Variants in SORCS2 observed in about 807,000 individuals in gnomAD.
SORCS2 encodes sortilin related VPS10 domain containing receptor 2, also known as VPS10 domain-containing receptor SorCS2.
Under a neutral mutation model 141.6 loss-of-function variants are expected in SORCS2, and 100 were observed. The ratio of observed to expected loss-of-function variants is 0.71; its 90% CI spans 0.60 to 0.83. The LOEUF is 0.83. Among genes scored for constraint, SORCS2 ranks in the 40% least tolerant of loss-of-function variants. SORCS2 has a pLI of 0.00. For missense variants in SORCS2, 1,646 were observed against 1,560.2 expected, an observed-to-expected ratio of 1.05 and a Z score of -0.93; for synonymous variants, 789 against 676.9, an observed-to-expected ratio of 1.17 and a Z score of -2.57.
chr4:7,421,991 C>T (rs977441363), intron 2 of SORCS2, among the ~76,000 whole-genome samples: 3 of 152,110 alleles, frequency 2.0e-5, no homozygotes, highest in African/African-American at 7.2e-5. Context: ...CCCACCTCCT[C>T]ATCTGTGAAC....
intron 3 of SORCS2, among the ~76,000 whole-genome samples, chr4:7,565,677 G>A (rs1000193973): frequency 3.4e-5 from 5 of 149,190 alleles, no homozygotes; most frequent in African/African-American, 1.3e-4. Context: ...TGCTGATGAT[G>A]TGATGATGGT....
At chr4:7,528,117 G>A (rs977791252) in intron 2 of SORCS2, among the ~76,000 whole-genome samples, 4 of 30,186 alleles carry the variant, frequency 1.3e-4, no homozygotes, top group African/African-American at 4.0e-4. Context: ...CAGTGTCCAC[G>A]CTGCCCATGG....
At chr4:7,490,496 A>C (rs1731252914) in intron 2 of SORCS2, among the ~76,000 whole-genome samples, 1 of 141,498 alleles carries the variant, frequency 7.1e-6, no homozygotes, top group African/African-American at 2.8e-5. Flanking sequence ...CCATGCTAGC[A>C]CCCCAGAATT....
rs563275631 is a variant in SORCS2 at position 7,349,076 on chromosome 4, C to T, written c.481-47212C>T. ...CAAGGGGGAATTCAACTTAATTGCA[C>T]ACCTACCTCTTATGCCAGTCACTGA... On this transcript the variant is annotated intron_variant, in intron 1 of 26. Coordinates refer to ENST00000507866, the MANE Select transcript of SORCS2 (RefSeq NM_020777.3). Among the ~76,000 whole-genome samples the T allele has an allele frequency of 7.2e-5, 11 of 152,314 alleles. No homozygotes were observed. The South Asian group carries it at 2.3e-3, about 32-fold the overall frequency.
At chr4:7,444,336 G>A (rs898838740) in intron 2 of SORCS2, among the ~76,000 whole-genome samples, 1 of 152,174 alleles carries the variant, frequency 6.6e-6, no homozygotes, top group African/African-American at 2.4e-5. Context: ...TGAGTGAGGT[G>A]GAGAGGTGGA....
intron 2 of SORCS2, among the ~76,000 whole-genome samples, chr4:7,454,275 TCC>T (rs2109303482): frequency 8.8e-6 from 1 of 114,200 alleles, no homozygotes; most frequent in Admixed American, 9.1e-5. Flanking sequence ...GGGGTCAGGC[TCC>T]GTGTTGGGGT....
At chr4:7,257,027 G>A (rs550934927) in intron 1 of SORCS2, among the ~76,000 whole-genome samples, 1 of 152,292 alleles carries the variant, frequency 6.6e-6, no homozygotes, top group South Asian at 2.1e-4. Flanking sequence ...AGCTCAATAG[G>A]AACTTCTCAG....
chr4:7,399,103 T>C (rs142804692), intron 2 of SORCS2, among the ~76,000 whole-genome samples: 36 of 152,356 alleles, frequency 2.4e-4, no homozygotes, highest in African/African-American at 7.0e-4. Context: ...AACAGTTTTC[T>C]GTTTTAATTA....
At chr4:7,446,336 C>T (rs79128148) in intron 2 of SORCS2, among the ~76,000 whole-genome samples, 3,064 of 152,312 alleles carry the variant, frequency 0.02, 116 homozygotes, top group African/African-American at 0.07. Context: ...ACCGCCCCTG[C>T]CATGGCACCT....
Position 7,434,641 on chromosome 4 carries a change from G to A in SORCS2, c.548+38286G>A, listed in dbSNP as rs746248362. Reference sequence around the variant, plus strand: ...CAGGATGTCAGACTCCGTGGCGTCAGGGTTCAGCCCATTGCCAGCGGCGGC... The same window carrying A: ...CAGGATGTCAGACTCCGTGGCGTCAAGGTTCAGCCCATTGCCAGCGGCGGC... On this transcript the variant is annotated intron_variant, in intron 2 of 26. Transcript: ENST00000507866. 2.5e-6 allele frequency: 4 copies of A among 1,613,430 alleles called. No homozygotes were observed. The South Asian group carries it at 4.4e-5, about 18-fold the overall frequency.
Position 7,298,093 on chromosome 4 carries a change from A to G in SORCS2, c.481-98195A>G, listed in dbSNP as rs539711741. ...CTGCACAGCCAGTGTGTGCACTTGG[A>G]GTCCCAGGGGTGGGACAAGGAGGCG... On this transcript the variant is annotated intron_variant, in intron 1 of 26. Coordinates refer to ENST00000507866, the MANE Select transcript of SORCS2 (RefSeq NM_020777.3). 1.3e-4 allele frequency among the ~76,000 whole-genome samples: 20 copies of G among 152,318 alleles called. No homozygotes were observed. In the South Asian group the frequency reaches 3.3e-3, roughly 25 times the overall value.
chr4:7,574,635 G>A (rs919840036), intron 3 of SORCS2, among the ~76,000 whole-genome samples: 1 of 151,918 alleles, frequency 6.6e-6, no homozygotes, highest in Admixed American at 6.6e-5. Context: ...AAGGAGAGAA[G>A]GGAGGAAGGG....
At chr4:7,306,387 G>T (rs1717835954) in intron 1 of SORCS2, among the ~76,000 whole-genome samples, 1 of 152,202 alleles carries the variant, frequency 6.6e-6, no homozygotes, top group South Asian at 2.1e-4. Context: ...GCAGGATCAG[G>T]TCTGAAGGAG....
chr4:7,291,595 C>T (rs1378857200), intron 1 of SORCS2, among the ~76,000 whole-genome samples: 2 of 152,130 alleles, frequency 1.3e-5, no homozygotes, highest in Non-Finnish European at 1.5e-5. Flanking sequence ...TCAGCGTGAG[C>T]GTCAGTGCTC....
intron 1 of SORCS2, among the ~76,000 whole-genome samples, chr4:7,374,065 C>A (rs866208399): frequency 5.3e-5 from 8 of 152,048 alleles, no homozygotes; most frequent in Non-Finnish European, 1.0e-4. Context: ...TCTAGGATCC[C>A]TTTTAAGTTG....
At chr4:7,390,555 G>C (rs557974620) in intron 1 of SORCS2, among the ~76,000 whole-genome samples, 31 of 152,304 alleles carry the variant, frequency 2.0e-4, no homozygotes, top group African/African-American at 7.5e-4. Context: ...CTCTCCAAAG[G>C]GATTATTGCG....
At chr4:7,268,969 A>G (rs1416689385) in intron 1 of SORCS2, among the ~76,000 whole-genome samples, 2 of 152,190 alleles carry the variant, frequency 1.3e-5, no homozygotes, top group African/African-American at 4.8e-5. Context: ...CCCAGGCTCC[A>G]GGGAGGAGGC....
chr4:7,451,173 T>A (rs926407041), intron 2 of SORCS2, among the ~76,000 whole-genome samples: 2 of 152,238 alleles, frequency 1.3e-5, no homozygotes, highest in South Asian at 4.2e-4. Flanking sequence ...AGCAAGCAAG[T>A]GAATAAATGC....
chr4:7,376,319 G>A (rs1219855000), intron 1 of SORCS2, among the ~76,000 whole-genome samples: 3 of 151,624 alleles, frequency 2.0e-5, no homozygotes, highest in Non-Finnish European at 4.4e-5. Context: ...GCTCATGCCT[G>A]TAATCCCAGC....
Sources: gnomAD v4.1 joint callset for allele counts (sites outside exome capture counted in the v4.1 genomes callset) on GRCh38, gnomAD v4.1.1 for gene constraint, MANE v1.5 for transcripts, NCBI Gene and HGNC (gene_info 2026-07-23, HGNC 2026-07-21) for gene names.